FARP2: variants seen among roughly 807,000 people sequenced by gnomAD.
FARP2 encodes FERM, ARHGEF and pleckstrin domain-containing protein 2.
Under a neutral mutation model 130.5 loss-of-function variants are expected in FARP2, and 111 were observed. The ratio of observed to expected loss-of-function variants is 0.85; its 90% CI spans 0.73 to 1.00. The LOEUF (loss-of-function observed/expected upper bound fraction) is 1.00, where lower values mean the gene tolerates loss of function less well. FARP2 is among the 50% of genes least tolerant of loss of function. The pLI is 0.00. For synonymous variants in FARP2, 504 were observed against 516.9 expected (o/e 0.98, Z 0.34); for missense variants, 1,385 against 1,346.3 (o/e 1.03, Z -0.45).
At chr2:241,376,518 G>A (rs1165399513) in intron 2 of FARP2, among the ~76,000 whole-genome samples, 3 of 69,204 alleles carry the variant, frequency 4.3e-5, no homozygotes, top group African/African-American at 1.5e-4. Flanking sequence ...TGCCCTGAGT[G>A]GGCAGAGTCC....
At chr2:241,486,697 G>C (rs2064762305) in intron 21 of FARP2, among the ~76,000 whole-genome samples, 1 of 152,120 alleles carries the variant, frequency 6.6e-6, no homozygotes, top group African/African-American at 2.4e-5. Flanking sequence ...CTGTAACATT[G>C]TTGGATCTCT....
chr2:241,476,172 A>G (rs922461341), intron 19 of FARP2, among the ~76,000 whole-genome samples, 185 bp downstream of exon 19: 7 of 151,038 alleles, frequency 4.6e-5, no homozygotes, highest in African/African-American at 1.7e-4. Context: ...CAGGAGTTCA[A>G]GACCAGACTG....
intron 20 of FARP2, chr2:241,483,741 C>A: frequency 1.0e-6 from 1 of 955,158 alleles, no homozygotes; most frequent in Non-Finnish European, 1.2e-6. Flanking sequence ...CCCCACCCAC[C>A]CCAGGGCCAG....
chr2:241,441,734 G>A lies in FARP2; in HGVS notation c.1411+178G>A, dbSNP rs747521841. ...TCATTTCCTTCCGGTGGGGAGCACCGGTGTGACCGGCAGTGTCGTGGGGGG... is the reference window on the plus strand; with the variant it reads ...TCATTTCCTTCCGGTGGGGAGCACCAGTGTGACCGGCAGTGTCGTGGGGGG... On this transcript the variant is annotated intron_variant, in intron 13 of 26. Coordinates refer to ENST00000264042, the MANE Select transcript of FARP2 (RefSeq NM_014808.4). 3.1e-4 allele frequency: 296 copies of A among 947,138 alleles called. 2 individuals carry two copies. Among genetic ancestry groups the A allele is most frequent in the Non-Finnish European group, 4.7e-4 (289 of 610,822 alleles). The allele number at this position is 947,138 out of a possible 1,614,324, so 58.7% of individuals were successfully genotyped here. A position where few individuals can be genotyped will look rare whatever the true frequency, so the allele number is the denominator to read the frequency against.
chr2:241,475,961 A>G lies in FARP2; in HGVS notation c.2236A>G (p.Ile746Val), dbSNP rs1337955553. ...LTELQRDLVG[I>V]ENLIAPGREF... ...GGAGCTGCAGCGGGACCTGGTGGGC[A>G]TAGAGAACCTCATTGCTCCTGGCAG... The change falls in exon 19 of 27, where the codon ATA becomes GTA. Residue 746 changes from isoleucine to valine, a missense_variant. Ile to Val is a conservative substitution (Grantham distance 29). Transcript: ENST00000264042. The surrounding 1 kb of genome is among the most constrained non-coding windows in gnomAD (Gnocchi z 4.4). 8 of 1,613,978 alleles carry G rather than the reference A, an allele frequency of 5.0e-6. No homozygotes were observed. The highest frequency in any genetic ancestry group is 4.4e-5 in the South Asian group (4 of 91,046).
intron 2 of FARP2, among the ~76,000 whole-genome samples, chr2:241,393,546 G>A (rs1300721971): frequency 6.6e-6 from 1 of 151,948 alleles, no homozygotes; most frequent in Non-Finnish European, 1.5e-5. Context: ...ATCTAATTAG[G>A]CAATAAAAAT....
At chr2:241,418,421 G>A (rs759764101) in intron 8 of FARP2, among the ~76,000 whole-genome samples, 28 of 152,092 alleles carry the variant, frequency 1.8e-4, no homozygotes, top group Non-Finnish European at 3.2e-4. Flanking sequence ...CTGGGACTTC[G>A]CATTCCCTCC....
At chr2:241,366,144 C>CGT (rs2061316022) in intron 1 of FARP2, among the ~76,000 whole-genome samples, 4 of 9,470 alleles carry the variant, frequency 4.2e-4, no homozygotes, top group African/African-American at 1.2e-3. Context: ...TATATACACA[C>CGT]ACACATATAT....
intron 13 of FARP2, chr2:241,442,137 C>G: frequency 2.3e-6 from 1 of 426,698 alleles, no homozygotes; most frequent in Non-Finnish European, 4.8e-6. Context: ...CTGAGACCAG[C>G]TCACTGAGAA....
Position 241,394,831 on chromosome 2 carries a change from TTGTA to T in FARP2, c.184-8996_184-8993del, listed in dbSNP as rs571808808. Among the ~76,000 whole-genome samples the T allele has an allele frequency of 2.6e-5, 4 of 152,328 alleles. No individual in the cohort carries two copies. The South Asian group carries it at 8.3e-4, about 32-fold the overall frequency. ...TCCCTCTCATCTGTGGTCTTACTTT[TTGTA>T]GACCTTATTAAGAAGCTGTTTTGCA... On this transcript the variant is annotated intron_variant, in intron 2 of 26. Transcript: ENST00000264042.
At chr2:241,473,102 C>T (rs142739919) in intron 18 of FARP2, among the ~76,000 whole-genome samples, 12 of 150,824 alleles carry the variant, frequency 8.0e-5, no homozygotes, top group East Asian at 5.9e-4. Context: ...CTGAGGTGGA[C>T]GCTGTTCTGT....
intron 4 of FARP2, chr2:241,405,301 C>T (rs2062304493): frequency 6.6e-6 from 1 of 152,384 alleles, no homozygotes; most frequent in African/African-American, 2.4e-5. Flanking sequence ...GGTGTGAACA[C>T]AGTTCTCTGC....
intron 19 of FARP2, among the ~76,000 whole-genome samples, chr2:241,480,716 A>C (rs944055620): frequency 5.9e-5 from 9 of 152,164 alleles, no homozygotes; most frequent in South Asian, 2.1e-4. Context: ...AGAAAGAAAG[A>C]AAGCCTAACC....
At chr2:241,457,434 AAAGATCTGGG>A (rs2063883767) in intron 14 of FARP2, among the ~76,000 whole-genome samples, 1 of 135,186 alleles carries the variant, frequency 7.4e-6, no homozygotes, top group Non-Finnish European at 1.6e-5. Flanking sequence ...CCCAGTGTAG[AAAGATCTGGG>A]TGCTAAGGGA....
chr2:241,431,842 C>T lies in FARP2; in HGVS notation c.867+68C>T, dbSNP rs13426859. On this transcript the variant is annotated intron_variant, in intron 9 of 26. Transcript: ENST00000264042. ...TATTTATTTATTTATTTTTTTGAGA[C>T]GGAGTTTCGCTCTTGTTGCCCAGGC... is the stretch of plus-strand genomic sequence containing the variant. 1,359 of 501,844 alleles carry T rather than the reference C, an allele frequency of 2.7e-3. 15 individuals are homozygous for T. The highest frequency in any genetic ancestry group is 0.024 in the African/African-American group (1,149 of 47,792). The allele number at this position is 501,844 out of a possible 1,614,324, so 31.1% of individuals were successfully genotyped here.
Position 241,467,927 on chromosome 2 carries a change from T to C in FARP2, c.1894-213T>C, listed in dbSNP as rs1173824514. On this transcript the variant is annotated intron_variant, in intron 17 of 26. Coordinates refer to ENST00000264042, the MANE Select transcript of FARP2 (RefSeq NM_014808.4). ...GGTTAGTGGTGCATGTAGCAGTGAA[T>C]TGGTGGAATGAGGTGCAGGTCACAT... 4.6e-5 allele frequency among the ~76,000 whole-genome samples: 7 copies of C among 152,166 alleles called. 1 individual carries two copies. Among genetic ancestry groups the C allele is most frequent in the Admixed American group, 1.3e-4 (2 of 15,272 alleles).
intron 13 of FARP2, among the ~76,000 whole-genome samples, chr2:241,447,788 T>TG (rs2063545742): frequency 6.6e-6 from 1 of 151,922 alleles, no homozygotes; most frequent in African/African-American, 2.4e-5. Context: ...CCTGCGGGGG[T>TG]GGGGGCAGGG....
At chr2:241,433,988 A>T (rs534202462) in intron 9 of FARP2, among the ~76,000 whole-genome samples, 170 bp from the exon 10 acceptor site, 1 of 152,250 alleles carries the variant, frequency 6.6e-6, no homozygotes, top group South Asian at 2.1e-4. Context: ...GTGAGCCAAG[A>T]TCACGCCATT....
chr2:241,389,220 G>T (rs1025589208), intron 2 of FARP2, among the ~76,000 whole-genome samples: 11 of 152,058 alleles, frequency 7.2e-5, no homozygotes, highest in Admixed American at 7.2e-4. Flanking sequence ...GGCAGAGGCT[G>T]CAGTGAGCCA....
Sources: gnomAD v4.1 joint callset for allele counts (sites outside exome capture counted in the v4.1 genomes callset) on GRCh38, gnomAD v4.1.1 for gene constraint, Gnocchi (gnomAD v3.1) non-coding constraint, MANE v1.5 for transcripts, NCBI Gene and HGNC (gene_info 2026-07-23, HGNC 2026-07-21) for gene names.